ARHGAP15: variants seen among roughly 807,000 people sequenced by gnomAD.
ARHGAP15 encodes Rho GTPase activating protein 15, also known as rho GTPase-activating protein 15.
In ARHGAP15, 51 loss-of-function variants were observed where a neutral mutation model predicts 63.7. The observed-to-expected ratio is 0.80, with a 90% CI of 0.64 to 1.01. The LOEUF (loss-of-function observed/expected upper bound fraction) is 1.01. ARHGAP15 is among the 50% of genes least tolerant of loss of function. The probability of loss-of-function intolerance (pLI) is 0.00; values close to 1 mark genes in which losing one functional copy is unlikely to be tolerated. For synonymous variants in ARHGAP15, 191 were observed against 193.8 expected (o/e 0.99, Z 0.12); for missense variants, 560 against 564.6 (o/e 0.99, Z 0.08).
chr2:143,366,876 T>C (rs1408705726), intron 6 of ARHGAP15, among the ~76,000 whole-genome samples: 1 of 152,062 alleles, frequency 6.6e-6, no homozygotes, highest in East Asian at 1.9e-4. Context: ...AAGGGTGGTC[T>C]GGGTATTTCT....
At chr2:143,431,835 A>C (rs568131131) in intron 6 of ARHGAP15, among the ~76,000 whole-genome samples, 1 of 152,082 alleles carries the variant, frequency 6.6e-6, no homozygotes, top group Admixed American at 6.6e-5. Flanking sequence ...CATCCTCTCT[A>C]TTCTTCTGTA....
intron 11 of ARHGAP15, among the ~76,000 whole-genome samples, chr2:143,582,524 G>A (rs2105147770): frequency 6.6e-6 from 1 of 152,256 alleles, no homozygotes. Flanking sequence ...CGTTACAGAA[G>A]CATGAGGTGG....
intron 6 of ARHGAP15, among the ~76,000 whole-genome samples, chr2:143,270,344 A>T (rs1047694355): frequency 1.1e-4 from 17 of 152,328 alleles, no homozygotes; most frequent in African/African-American, 3.8e-4. Context: ...TTTTGCTTTG[A>T]ATATGATCTT....
Position 143,330,133 on chromosome 2 carries a change from C to CAAAAAAAAAAAAAAAAAAAAAAAAAAAAA in ARHGAP15, c.474+79538_474+79539insAAAAAAAAAAAAAAAAAAAAAAAAAAAAA, listed in dbSNP as rs1558898102. Among the ~76,000 whole-genome samples the CAAAAAAAAAAAAAAAAAAAAAAAAAAAAA allele has an allele frequency of 1.0e-3, 38 of 37,354 alleles. 8 individuals are homozygous for CAAAAAAAAAAAAAAAAAAAAAAAAAAAAA. Among genetic ancestry groups the CAAAAAAAAAAAAAAAAAAAAAAAAAAAAA allele is most frequent in the South Asian group, 3.8e-3 (3 of 796 alleles). The allele number at this position is 37,354 out of a possible 152,430, so 24.5% of individuals were successfully genotyped here. On this transcript the variant is annotated intron_variant, in intron 6 of 13. Transcript: ENST00000295095. ...AAAAAAAAAAAAAAAAAAAAAAAAC[C>CAAAAAAAAAAAAAAAAAAAAAAAAAAAAA]AAAAACAAAAAACTAAACTAATGAT...
At chr2:143,379,935 T>G (rs1686992241) in intron 6 of ARHGAP15, among the ~76,000 whole-genome samples, 1 of 152,044 alleles carries the variant, frequency 6.6e-6, no homozygotes, top group South Asian at 2.1e-4. Context: ...AAATTTGCAG[T>G]GGAACAGAGC....
chr2:143,294,357 C>A (rs1682540350), intron 6 of ARHGAP15, among the ~76,000 whole-genome samples: 1 of 152,098 alleles, frequency 6.6e-6, no homozygotes, highest in African/African-American at 2.4e-5. Flanking sequence ...TCTCTCCAAA[C>A]ATACTAGTTA....
intron 6 of ARHGAP15, among the ~76,000 whole-genome samples, chr2:143,359,091 T>A (rs889476035): frequency 3.9e-5 from 6 of 152,094 alleles, no homozygotes; most frequent in Non-Finnish European, 8.8e-5. Flanking sequence ...AATAGAAAAA[T>A]CTTTTGATTA....
intron 5 of ARHGAP15, among the ~76,000 whole-genome samples, chr2:143,241,169 T>A (rs1470220908): frequency 6.6e-6 from 1 of 152,174 alleles, no homozygotes; most frequent in Admixed American, 6.5e-5. Flanking sequence ...TTCTTAAAAA[T>A]TCACTACTAA....
At chr2:143,505,796 A>G (rs1304194025) in intron 9 of ARHGAP15, among the ~76,000 whole-genome samples, 5 of 152,176 alleles carry the variant, frequency 3.3e-5, no homozygotes, top group Admixed American at 2.0e-4. Flanking sequence ...TTTAAGCTGA[A>G]GCTGAGGACT....
intron 9 of ARHGAP15, among the ~76,000 whole-genome samples, chr2:143,515,242 A>T (rs1014166119): frequency 1.5e-5 from 2 of 134,498 alleles, no homozygotes; most frequent in African/African-American, 5.6e-5. Flanking sequence ...CTTCTCAAGT[A>T]GAGTATGATT....
chr2:143,475,870 C>T (rs1691791794), intron 8 of ARHGAP15, among the ~76,000 whole-genome samples: 1 of 152,228 alleles, frequency 6.6e-6, no homozygotes. Flanking sequence ...TTTTTCTTGA[C>T]TCTCATTTGC....
At chr2:143,396,561 TG>T (rs1183546875) in intron 6 of ARHGAP15, among the ~76,000 whole-genome samples, 4 of 151,952 alleles carry the variant, frequency 2.6e-5, no homozygotes, top group African/African-American at 9.7e-5. Flanking sequence ...ATTGTGTGCG[TG>T]TGTGTTTTTT....
At chr2:143,136,550 T>G (rs1689150602) in intron 1 of ARHGAP15, among the ~76,000 whole-genome samples, 1 of 151,488 alleles carries the variant, frequency 6.6e-6, no homozygotes, top group South Asian at 2.1e-4. Context: ...GTTTACAACC[T>G]TTTAGTCAGA....
At chr2:143,345,468 C>A (rs1377588349) in intron 6 of ARHGAP15, among the ~76,000 whole-genome samples, 1 of 152,182 alleles carries the variant, frequency 6.6e-6, no homozygotes, top group Admixed American at 6.6e-5. Flanking sequence ...TCCACCTGAA[C>A]CCCACCCCAA....
intron 9 of ARHGAP15, among the ~76,000 whole-genome samples, chr2:143,501,788 A>G (rs1011082207): frequency 2.0e-5 from 3 of 152,256 alleles, no homozygotes; most frequent in Non-Finnish European, 4.4e-5. Flanking sequence ...TGATATGGAC[A>G]AAGTATTCCA....
At chr2:143,543,657 A>G (rs57832086) in intron 10 of ARHGAP15, among the ~76,000 whole-genome samples, 32,077 of 151,742 alleles carry the variant, frequency 0.21, 3,685 homozygotes, top group Middle Eastern at 0.29. Flanking sequence ...ATATATATAT[A>G]TAAATATGTA....
chr2:143,140,459 G>A (rs1010443894), intron 1 of ARHGAP15, among the ~76,000 whole-genome samples: 3 of 152,196 alleles, frequency 2.0e-5, no homozygotes, highest in African/African-American at 4.8e-5. Flanking sequence ...AAGAAAAACA[G>A]CAAACACGAG....
intron 6 of ARHGAP15, among the ~76,000 whole-genome samples, chr2:143,267,026 A>G (rs2105036549): frequency 6.6e-6 from 1 of 152,300 alleles, no homozygotes; most frequent in African/African-American, 2.4e-5. Flanking sequence ...CTCTTACCTG[A>G]AAGTGGCATA....
intron 6 of ARHGAP15, among the ~76,000 whole-genome samples, chr2:143,427,512 C>G (rs567120163): frequency 4.4e-4 from 67 of 151,692 alleles, no homozygotes; most frequent in Non-Finnish European, 8.2e-4. Flanking sequence ...CCCATACTGT[C>G]AACTCCCAAT....
Sources: allele counts gnomAD v4.1 joint callset (sites outside exome capture counted in the v4.1 genomes callset), GRCh38; gene constraint gnomAD v4.1.1; transcripts MANE v1.5; gene names NCBI Gene and HGNC (gene_info 2026-07-23, HGNC 2026-07-21).